The following GLCCI1 variants were observed in gnomAD, a reference collection of about 807,000 sequenced individuals.
The protein encoded by GLCCI1 is glucocorticoid-induced transcript 1 protein.
GLCCI1 carries 24 observed loss-of-function variants against 52.2 expected under a neutral mutation model. The observed-to-expected ratio is 0.46, with a 90% confidence interval of 0.33 to 0.65. The LOEUF is 0.65. GLCCI1 is among the 30% of genes least tolerant of loss of function. The pLI is 0.02. For missense variants in GLCCI1, 704 were observed against 701.5 expected, an observed-to-expected ratio of 1.00 and a Z score of -0.04; for synonymous variants, 310 against 276.5, an observed-to-expected ratio of 1.12 and a Z score of -1.20.
At chr7:8,055,754 C>T (rs1266534444) in intron 4 of GLCCI1, 2 of 358,868 alleles carry the variant, frequency 5.6e-6, no homozygotes, top group Non-Finnish European at 1.0e-5. Context: ...CTTTGGGAGG[C>T]CGAGGCGGGC....
chr7:8,012,974 G>A lies in GLCCI1; in HGVS notation c.609+8915G>A, dbSNP rs1308815576. 2.0e-5 allele frequency among the ~76,000 whole-genome samples: 3 copies of A among 152,014 alleles called. 1 individual carries two copies. The highest frequency in any genetic ancestry group is 2.1e-4 in the South Asian group (1 of 4,828). ...TTGTATAAGGTAAGAGTCCAACTTC[G>A]TTCTTTTGGATGTGAATATCCAGTT... On this transcript the variant is annotated intron_variant, in intron 2 of 7. Coordinates refer to ENST00000223145, the MANE Select transcript of GLCCI1 (RefSeq NM_138426.4).
intron 6 of GLCCI1, 94 bp from the exon 7 acceptor site, chr7:8,084,803 G>C (rs1040623842): frequency 6.5e-6 from 8 of 1,226,994 alleles, no homozygotes; most frequent in Non-Finnish European, 9.4e-6. Context: ...CATAGGGGCA[G>C]TAGTGGATAA....
intron 2 of GLCCI1, 43 bp downstream of exon 2, chr7:8,004,102 T>C (rs1337415014): frequency 3.2e-6 from 5 of 1,553,722 alleles, no homozygotes; most frequent in Middle Eastern, 3.4e-4. Context: ...CCTGCACTTC[T>C]TCTGTTTTGA....
intron 3 of GLCCI1, among the ~76,000 whole-genome samples, chr7:8,023,589 T>TG (rs1781545558): frequency 1.9e-5 from 1 of 51,828 alleles, no homozygotes; most frequent in Non-Finnish European, 3.5e-5. Context: ...TCTGTTATTC[T>TG]TTTTTTTTTT....
intron 2 of GLCCI1, among the ~76,000 whole-genome samples, chr7:8,006,238 T>C (rs1368888984): frequency 2.0e-5 from 3 of 152,070 alleles, no homozygotes; most frequent in Non-Finnish European, 4.4e-5. Context: ...AAGGAAAAAA[T>C]TGTTGACAGT....
At chr7:8,085,107 A>C in intron 7 of GLCCI1, 90 bp downstream of exon 7, 2 of 1,414,980 alleles carry the variant, frequency 1.4e-6, no homozygotes, top group Non-Finnish European at 1.9e-6. Context: ...CAACTACTCT[A>C]TCCAGCTGAT....
At position 7,978,961 on chromosome 7, in the gene GLCCI1, TG is replaced by T. The variant is rs565003318; in HGVS notation, c.457+9155del. Among the ~76,000 whole-genome samples the T allele has an allele frequency of 1.5e-3, 223 of 152,334 alleles. 1 individual carries two copies. Among genetic ancestry groups the T allele is most frequent in the African/African-American group, 5.1e-3 (214 of 41,578 alleles). ...GTATTTATAATATCTTTCGAAGTTT[TG>T]TAAGTGTCATTTTATTTCTTCTAAA... On this transcript the variant is annotated intron_variant, in intron 1 of 7. Coordinates refer to ENST00000223145, the MANE Select transcript of GLCCI1 (RefSeq NM_138426.4).
chr7:8,076,531 A>G (rs1782880154), intron 6 of GLCCI1, among the ~76,000 whole-genome samples: 1 of 152,212 alleles, frequency 6.6e-6, no homozygotes, highest in Non-Finnish European at 1.5e-5. Flanking sequence ...TATCCAGTAA[A>G]TGCTATTGTC....
intron 1 of GLCCI1, among the ~76,000 whole-genome samples, chr7:7,971,380 A>G (rs1434543776): frequency 6.6e-6 from 1 of 152,254 alleles, no homozygotes; most frequent in Non-Finnish European, 1.5e-5. Context: ...CATTTTCTAG[A>G]ACTGTATGAA....
chr7:8,016,321 T>C (rs1380414284), intron 2 of GLCCI1, among the ~76,000 whole-genome samples: 2 of 151,866 alleles, frequency 1.3e-5, no homozygotes, highest in Non-Finnish European at 2.9e-5. Context: ...TACAAAAAAT[T>C]AGCCGGGTGT....
intron 6 of GLCCI1, chr7:8,078,659 A>T (rs932173384): frequency 1.3e-5 from 2 of 151,980 alleles, no homozygotes; most frequent in Non-Finnish European, 2.9e-5. Context: ...TATAGGGCAA[A>T]GATGAGGAGA....
chr7:8,027,051 A>G (rs1330964858), intron 3 of GLCCI1, among the ~76,000 whole-genome samples: 3 of 152,208 alleles, frequency 2.0e-5, no homozygotes, highest in Admixed American at 2.0e-4. Context: ...GAAGACTACA[A>G]TAAATACCTA....
intron 3 of GLCCI1, among the ~76,000 whole-genome samples, chr7:8,038,641 C>G (rs1347046810): frequency 2.0e-5 from 3 of 152,118 alleles, no homozygotes; most frequent in Non-Finnish European, 4.4e-5. Context: ...AGACCTGAAC[C>G]TATAAACATT....
At chr7:7,980,441 C>T in intron 1 of GLCCI1, 1 of 255,918 alleles carries the variant, frequency 3.9e-6, no homozygotes, top group Non-Finnish European at 7.3e-6. Flanking sequence ...ATGGCAGTGC[C>T]AAGCATCTAG....
chr7:8,024,519 G>A (rs929539685), intron 3 of GLCCI1, among the ~76,000 whole-genome samples: 3 of 152,144 alleles, frequency 2.0e-5, no homozygotes, highest in Admixed American at 6.5e-5. Context: ...AGGAAGTAAC[G>A]CCAGATATTA....
At chr7:8,000,015 C>T (rs1452505968) in intron 1 of GLCCI1, among the ~76,000 whole-genome samples, 3 of 152,152 alleles carry the variant, frequency 2.0e-5, no homozygotes, top group Non-Finnish European at 2.9e-5. Flanking sequence ...CTACATACAG[C>T]GTTTCAAATT....
At chr7:8,069,515 G>A (rs1782706537) in intron 5 of GLCCI1, among the ~76,000 whole-genome samples, 1 of 152,238 alleles carries the variant, frequency 6.6e-6, no homozygotes, top group East Asian at 1.9e-4. Context: ...CAGGGGGTGG[G>A]GCAGCTGTGC....
Position 8,007,400 on chromosome 7 carries a change from C to A in GLCCI1, c.609+3341C>A, listed in dbSNP as rs139184965. ...CGTATTAAGCGTGAGGACAGTGAAC[C>A]CAGACCTGGCTGATTCTAAAGCGTT... On this transcript the variant is annotated intron_variant, in intron 2 of 7. Transcript: ENST00000223145. 7.9e-4 allele frequency among the ~76,000 whole-genome samples: 121 copies of A among 152,224 alleles called. 1 individual carries two copies. The highest frequency in any genetic ancestry group is 2.7e-3 in the African/African-American group (114 of 41,516).
At chr7:8,027,594 G>C (rs1443454603) in intron 3 of GLCCI1, among the ~76,000 whole-genome samples, 1 of 151,866 alleles carries the variant, frequency 6.6e-6, no homozygotes, top group Non-Finnish European at 1.5e-5. Context: ...ATAATAAAAT[G>C]GCAGGAGTAA....
Sources: allele counts gnomAD v4.1 joint callset (sites outside exome capture counted in the v4.1 genomes callset), GRCh38; gene constraint gnomAD v4.1.1; transcripts MANE v1.5; gene names NCBI Gene and HGNC (gene_info 2026-07-23, HGNC 2026-07-21).